The following SREBF2 variants were observed in gnomAD, a reference collection of about 807,000 sequenced individuals.
The protein encoded by SREBF2 is sterol regulatory element binding transcription factor 2.
SREBF2 carries 55 observed loss-of-function variants against 113.1 expected under a neutral mutation model. The ratio of observed to expected loss-of-function variants is 0.49; its 90% CI spans 0.39 to 0.61. The LOEUF (loss-of-function observed/expected upper bound fraction) is 0.61. Among genes scored for constraint, SREBF2 ranks in the 20% least tolerant of loss-of-function variants. The pLI is 0.00. For synonymous variants in SREBF2, 593 were observed against 605.7 expected, an observed-to-expected ratio of 0.98 and a Z score of 0.31; for missense variants, 1,349 against 1,487.4, an observed-to-expected ratio of 0.91 and a Z score of 1.53.
intron 1 of SREBF2, among the ~76,000 whole-genome samples, chr22:41,839,942 C>T (rs1358322927): frequency 1.3e-5 from 2 of 148,652 alleles, no homozygotes; most frequent in Non-Finnish European, 3.0e-5. Context: ...CCCATTTATT[C>T]ACATGCTTAG....
chr22:41,836,393 C>T (rs2076775267), intron 1 of SREBF2, among the ~76,000 whole-genome samples: 1 of 152,222 alleles, frequency 6.6e-6, no homozygotes, highest in Non-Finnish European at 1.5e-5. Flanking sequence ...TAAAAGTCAG[C>T]AGTGAGGGTA....
At chr22:41,887,178 G>A (rs2077307753) in intron 11 of SREBF2, among the ~76,000 whole-genome samples, 1 of 151,924 alleles carries the variant, frequency 6.6e-6, no homozygotes. Flanking sequence ...TTGCACCACT[G>A]CACTCCAGCC....
At chr22:41,844,065 C>CACAT (rs369136150) in intron 1 of SREBF2, among the ~76,000 whole-genome samples, 1,501 of 146,070 alleles carry the variant, frequency 0.01, 24 homozygotes, top group African/African-American at 0.024. Flanking sequence ...CACACACACA[C>CACAT]GTATATGTAT....
chr22:41,886,999 A>G (rs1177699144), intron 11 of SREBF2, among the ~76,000 whole-genome samples: 3 of 152,166 alleles, frequency 2.0e-5, no homozygotes, highest in African/African-American at 4.8e-5. Flanking sequence ...ACGCCATTGC[A>G]CTCCAGCCTG....
chr22:41,835,547 T>A (rs12170354), intron 1 of SREBF2, among the ~76,000 whole-genome samples: 2 of 152,116 alleles, frequency 1.3e-5, no homozygotes, highest in Non-Finnish European at 2.9e-5. Flanking sequence ...CAACCTCAGG[T>A]GATCCGCCCA....
intron 15 of SREBF2, 193 bp from the exon 16 acceptor site, chr22:41,900,137 G>T: frequency 6.8e-7 from 1 of 1,479,878 alleles, no homozygotes; most frequent in South Asian, 1.3e-5. Flanking sequence ...TAAAGGGTGG[G>T]GCGCTAACCC....
intron 13 of SREBF2, among the ~76,000 whole-genome samples, chr22:41,895,912 G>A (rs1173389519): frequency 1.3e-5 from 2 of 152,040 alleles, no homozygotes; most frequent in African/African-American, 2.4e-5. Context: ...GGGAGGCCAA[G>A]GTGGGCAGAT....
intron 1 of SREBF2, among the ~76,000 whole-genome samples, chr22:41,848,252 T>TC (rs2076896295): frequency 1.3e-5 from 2 of 151,804 alleles, no homozygotes; most frequent in African/African-American, 4.8e-5. Context: ...CCCTCCCTCC[T>TC]CCCCCTGTAT....
intron 10 of SREBF2, among the ~76,000 whole-genome samples, chr22:41,881,926 G>A (rs1002715255): frequency 6.6e-6 from 1 of 152,014 alleles, no homozygotes; most frequent in Non-Finnish European, 1.5e-5. Context: ...ACAAAAATTA[G>A]CCAGGCTTGG....
In SREBF2 at chr22:41,875,734, T is replaced by C. The variant is rs894123708; in HGVS notation, c.1386+10T>C. The C allele has an allele frequency of 2.5e-6, 4 of 1,614,034 alleles. No homozygotes were observed. Among genetic ancestry groups the C allele is most frequent in the Non-Finnish European group, 3.4e-6 (4 of 1,179,958 alleles). The stretch of plus-strand genomic sequence containing the variant: ...ATTGGATGATGCAAAGGTACAGACT[T>C]TTGAAATCTCCTGATCCCTGGAATC... On this transcript the variant is annotated intron_variant, in intron 7 of 18. Transcript: ENST00000361204.
At position 41,898,674 on chromosome 22, in the gene SREBF2, G is replaced by T; in HGVS notation, c.2631G>T (p.Trp877Cys). 6.2e-7 allele frequency: 1 copy of T among 1,614,122 alleles called. No individual in the cohort carries two copies. Among genetic ancestry groups the T allele is most frequent in the Non-Finnish European group, 8.5e-7 (1 of 1,180,032 alleles). ...GTCCAGACATCATCTGTCGGTGGTG[G>T]ACGTCTGCAATCACTGTGGCCATCA... ...ALGPDIICRWWTSAITVAISW... is the reference protein window; with the variant it reads ...ALGPDIICRWCTSAITVAISW... The change falls in exon 15 of 19, where the codon TGG becomes TGT. Residue 877 changes from tryptophan (W) to cysteine (C), a missense_variant. By Grantham distance (215) the Trp-to-Cys change is radical (BLOSUM62 -2). Around this residue, in one of 2 missense-constraint regions of SREBF2, gnomAD observed 650 missense variants for 644.1 expected, o/e 1.01. Transcript: ENST00000361204.
chr22:41,845,061 G>C (rs939042931), intron 1 of SREBF2, among the ~76,000 whole-genome samples: 6 of 151,548 alleles, frequency 4.0e-5, no homozygotes, highest in African/African-American at 1.5e-4. Context: ...ATCCCGAGTA[G>C]CTGGGATTAC....
rs1300330185 is a variant in SREBF2, at chr22:41,864,323, A to AT, written c.89-2493dup. ...TATATATATATGTATATATATATAT[A>AT]TTTTTTTTTTTTTTTGAGACTGAGT... On this transcript the variant is annotated intron_variant, in intron 1 of 18. Transcript: ENST00000361204. Among the ~76,000 whole-genome samples the AT allele has an allele frequency of 1.8e-3, 142 of 77,916 alleles. 2 individuals carry two copies. The highest frequency in any genetic ancestry group is 6.2e-3 in the East Asian group (18 of 2,926). 51.1% of individuals were successfully genotyped at this position (77,916 alleles called of 152,430 possible).
intron 8 of SREBF2, 85 bp downstream of exon 8, chr22:41,877,506 G>A: frequency 6.7e-7 from 1 of 1,495,620 alleles, no homozygotes. Flanking sequence ...TCTTGGCTTG[G>A]CTACCAGGTC....
At chr22:41,878,924 C>T (rs2077221835) in intron 9 of SREBF2, among the ~76,000 whole-genome samples, 1 of 152,112 alleles carries the variant, frequency 6.6e-6, no homozygotes, top group Admixed American at 6.5e-5. Flanking sequence ...AGATGTATAT[C>T]CTAGAGGCAG....
chr22:41,893,388 A>G (rs2077382750), intron 12 of SREBF2, 103 bp downstream of exon 12: 6 of 1,308,992 alleles, frequency 4.6e-6, no homozygotes. Flanking sequence ...TTGTCTCTTA[A>G]TCTTGTTGAG....
At chr22:41,864,604 G>A (rs2077058781) in intron 1 of SREBF2, among the ~76,000 whole-genome samples, 1 of 151,878 alleles carries the variant, frequency 6.6e-6, no homozygotes, top group South Asian at 2.1e-4. Context: ...ATAGGCGTGA[G>A]TCACCGCGCC....
Position 41,903,016 on chromosome 22 carries a change from C to T in SREBF2, c.2954C>T (p.Ala985Val), listed in dbSNP as rs768636408. The T allele has an allele frequency of 9.9e-6, 16 of 1,611,132 alleles. No homozygotes were observed. The highest frequency in any genetic ancestry group is 2.2e-5 in the East Asian group (1 of 44,780). The change falls in exon 17 of 19, where the codon GCG becomes GTG. Residue 985 changes from alanine to valine, a missense_variant. Ala to Val is a moderately conservative substitution (Grantham distance 64, BLOSUM62 0). This residue lies in a region of SREBF2 where 650 missense variants were observed against 644.1 expected (regional missense o/e 1.01). Transcript: ENST00000361204. Reference protein sequence around the residue: ...TCDLLLSLRTALWQKQASASQ... With the variant: ...TCDLLLSLRTVLWQKQASASQ... ...GACCTGCTACTGTCGCTACGGACAG[C>T]GCTCTGGCAAAAACAGGCCAGTGCC...
At chr22:41,842,424 A>G (rs536951029) in intron 1 of SREBF2, among the ~76,000 whole-genome samples, 23 of 152,266 alleles carry the variant, frequency 1.5e-4, no homozygotes, top group Non-Finnish European at 2.8e-4. Context: ...TTACCAATGT[A>G]TCTTATAGAT....
Sources: allele counts gnomAD v4.1 joint callset (sites outside exome capture counted in the v4.1 genomes callset), GRCh38; gene constraint gnomAD v4.1.1; regional missense constraint gnomAD v4.1.1; transcripts MANE v1.5; gene names NCBI Gene and HGNC (gene_info 2026-07-23, HGNC 2026-07-21).